KLHL7: variants seen among roughly 807,000 people sequenced by gnomAD.
The protein encoded by KLHL7 is kelch-like protein 7.
In KLHL7, 44 loss-of-function variants were observed where a neutral mutation model predicts 67.4. The ratio of observed to expected loss-of-function variants is 0.65; its 90% CI spans 0.51 to 0.84. KLHL7 has a LOEUF of 0.84. Among genes scored for constraint, KLHL7 ranks in the 40% least tolerant of loss-of-function variants. The pLI is 0.00. For missense variants in KLHL7, 362 were observed against 718.1 expected, an observed-to-expected ratio of 0.50 and a Z score of 5.67; for synonymous variants, 252 against 243.3, an observed-to-expected ratio of 1.04 and a Z score of -0.33.
chr7:23,171,782 T>C (rs1785170517), intron 9 of KLHL7, among the ~76,000 whole-genome samples: 1 of 152,212 alleles, frequency 6.6e-6, no homozygotes, highest in Non-Finnish European at 1.5e-5. Flanking sequence ...TGATCTCAGC[T>C]CACTGCAAGC....
In KLHL7 at chr7:23,105,801, C is replaced by G. The variant is rs755868761; in HGVS notation, c.-226C>G. 49 of 595,734 alleles carry G rather than the reference C, an allele frequency of 8.2e-5. No homozygotes were observed. The highest frequency in any genetic ancestry group is 5.6e-5 in the African/African-American group (3 of 53,670). The allele number at this position is 595,734 out of a possible 1,614,324, so 36.9% of individuals were successfully genotyped here. On this transcript the variant is annotated 5_prime_UTR_variant, in exon 1 of 11. Transcript: ENST00000339077. Reference sequence around the variant, plus strand: ...GCAGGGCTCGGGTTCTGCCCGGGGACGCAGCCCAGTTGGTAGCGTCGCTCC... The same window carrying G: ...GCAGGGCTCGGGTTCTGCCCGGGGAGGCAGCCCAGTTGGTAGCGTCGCTCC...
intron 1 of KLHL7, among the ~76,000 whole-genome samples, chr7:23,115,710 A>G (rs1783059054): frequency 1.3e-5 from 2 of 151,700 alleles, no homozygotes; most frequent in African/African-American, 4.8e-5. Context: ...ACACCCGGCT[A>G]ATTTTTTGTA....
intron 4 of KLHL7, among the ~76,000 whole-genome samples, chr7:23,137,322 A>G (rs1784013349): frequency 1.3e-5 from 2 of 152,104 alleles, no homozygotes; most frequent in African/African-American, 4.8e-5. Context: ...AGAGAAATAA[A>G]ACTAATAGAC....
At chr7:23,153,758 C>T (rs549717926) in intron 7 of KLHL7, among the ~76,000 whole-genome samples, 1 of 152,198 alleles carries the variant, frequency 6.6e-6, no homozygotes, top group African/African-American at 2.4e-5. Flanking sequence ...CTACTGTAGC[C>T]TGTCCCACTT....
intron 6 of KLHL7, among the ~76,000 whole-genome samples, chr7:23,148,907 C>G (rs1453807977): frequency 6.6e-6 from 1 of 152,126 alleles, no homozygotes; most frequent in Non-Finnish European, 1.5e-5. Flanking sequence ...TACTCCTTGA[C>G]TAAGCACAAG....
At chr7:23,166,912 T>A (rs1180650678) in intron 8 of KLHL7, among the ~76,000 whole-genome samples, 1 of 152,146 alleles carries the variant, frequency 6.6e-6, no homozygotes, top group African/African-American at 2.4e-5. Flanking sequence ...GTCCACCCAC[T>A]GAACCTACCA....
intron 1 of KLHL7, among the ~76,000 whole-genome samples, chr7:23,120,949 C>A (rs1489095136): frequency 6.6e-6 from 1 of 152,156 alleles, no homozygotes; most frequent in African/African-American, 2.4e-5. Flanking sequence ...ATTTTATGTC[C>A]TTTAACAAAC....
rs534737488 is a variant in KLHL7 at position 23,175,093 on chromosome 7, G to T, written c.*795G>T. The stretch of plus-strand genomic sequence containing the variant: ...CTAGCAAAAAGTAAAGCTATTTATA[G>T]CAAATTTCTAGATCATTAGAAAAGC... On this transcript the variant is annotated 3_prime_UTR_variant, in exon 11 of 11. Coordinates refer to ENST00000339077, the MANE Select transcript of KLHL7 (RefSeq NM_001031710.3). The T allele has an allele frequency of 2.2e-6, 1 of 454,012 alleles. No individual in the cohort carries two copies. Among genetic ancestry groups the T allele is most frequent in the Non-Finnish European group, 4.4e-6 (1 of 226,750 alleles). 28.1% of individuals were successfully genotyped at this position (454,012 alleles called of 1,614,324 possible). A position where few individuals can be genotyped will look rare whatever the true frequency, so the allele number is the denominator to read the frequency against.
In KLHL7 at chr7:23,165,790, C is replaced by T. The variant is rs1216326687; in HGVS notation, c.1029C>T (p.Gly343=). The change falls in exon 8 of 11, where the codon GGC becomes GGT. Residue 343 remains glycine (G), a synonymous_variant. Transcript: ENST00000339077. ...ACAATGTAGTATACATTTTGGGAGG[C>T]TCTCAGCTTTTCCCAATAAAGCGAA... The part of the protein sequence containing the change: ...FWDNVVYILG[G]SQLFPIKRMD... The T allele has an allele frequency of 6.2e-7, 1 of 1,614,094 alleles. No homozygotes were observed. The highest frequency in any genetic ancestry group is 1.1e-5 in the South Asian group (1 of 91,080).
Position 23,174,410 on chromosome 7 carries a change from A to G in KLHL7, c.*112A>G, listed in dbSNP as rs1342218650. 1.9e-6 allele frequency: 2 copies of G among 1,064,174 alleles called. No individual in the cohort carries two copies. Among genetic ancestry groups the G allele is most frequent in the Non-Finnish European group, 2.9e-6 (2 of 697,298 alleles). 65.9% of individuals were successfully genotyped at this position (1,064,174 alleles called of 1,614,324 possible). On this transcript the variant is annotated 3_prime_UTR_variant, in exon 11 of 11. Transcript: ENST00000339077. ...TTGGTGTTTTGGTAAAGAAAGTTTCAAGTGAAATGAGGTTCCTATAAAATA... is the reference window on the plus strand; with the variant it reads ...TTGGTGTTTTGGTAAAGAAAGTTTCGAGTGAAATGAGGTTCCTATAAAATA...
chr7:23,118,002 AAG>A (rs1159493524), intron 1 of KLHL7: 1 of 1,612,536 alleles, frequency 6.2e-7, no homozygotes, highest in Admixed American at 1.7e-5. Flanking sequence ...GGATATAACA[AAG>A]AATAGAACGT....
rs373590982 is a variant in KLHL7, at chr7:23,174,322, T to C, written c.*24T>C. 4.9e-5 allele frequency: 78 copies of C among 1,596,742 alleles called. No individual in the cohort carries two copies. The African/African-American group carries it at 9.1e-4, about 19-fold the overall frequency. On this transcript the variant is annotated 3_prime_UTR_variant, in exon 11 of 11. Coordinates refer to ENST00000339077, the MANE Select transcript of KLHL7 (RefSeq NM_001031710.3). ...GAAAAATGAGTGGACTTCAGACTCA[T>C]CAGAGACTCTAAAATATAGCCACCA...
Position 23,123,767 on chromosome 7 carries a change from C to G in KLHL7, c.121-10C>G. ...CCTCTTTTTATTTTATGTATTTTTC[C>G]TTTGATTAGAAAACGTTGTGTGACG... On this transcript the variant is annotated splice_polypyrimidine_tract_variant and intron_variant, in intron 1 of 10. Coordinates refer to ENST00000339077, the MANE Select transcript of KLHL7 (RefSeq NM_001031710.3). 1 of 1,595,686 alleles carries G rather than the reference C, an allele frequency of 6.3e-7. No individual in the cohort carries two copies. The highest frequency in any genetic ancestry group is 1.3e-5 in the African/African-American group (1 of 74,688).
chr7:23,127,311 A>G (rs1403574405), intron 4 of KLHL7, among the ~76,000 whole-genome samples: 6 of 152,154 alleles, frequency 3.9e-5, no homozygotes, highest in African/African-American at 9.7e-5. Context: ...ACCATTTAGT[A>G]GTTTTGCCTC....
rs1785284829 is a variant in KLHL7, at chr7:23,175,888, C to T, written c.*1590C>T. On this transcript the variant is annotated 3_prime_UTR_variant, in exon 11 of 11. Coordinates refer to ENST00000339077, the MANE Select transcript of KLHL7 (RefSeq NM_001031710.3). ...AGGCAGGAGGATTGCTTGAACCTGACAGGCAGAGGTTGCAGTGAGCTGAGA... is the reference window on the plus strand; with the variant it reads ...AGGCAGGAGGATTGCTTGAACCTGATAGGCAGAGGTTGCAGTGAGCTGAGA... The T allele has an allele frequency of 7.2e-6, 1 of 138,040 alleles. No homozygotes were observed. The highest frequency in any genetic ancestry group is 2.9e-5 in the African/African-American group (1 of 34,998). 8.6% of individuals were successfully genotyped at this position (138,040 alleles called of 1,614,324 possible).
chr7:23,150,581 A>T (rs1784501258), intron 6 of KLHL7, among the ~76,000 whole-genome samples: 1 of 152,124 alleles, frequency 6.6e-6, no homozygotes, highest in South Asian at 2.1e-4. Context: ...ACATAGCATA[A>T]TTTTTTAACC....
chr7:23,172,826 G>A, intron 9 of KLHL7, 122 bp from the exon 10 acceptor site: 1 of 728,026 alleles, frequency 1.4e-6, no homozygotes. Context: ...GACATTTTGT[G>A]CGTATATGTA....
chr7:23,114,134 G>A (rs185867060), intron 1 of KLHL7, among the ~76,000 whole-genome samples: 2 of 152,232 alleles, frequency 1.3e-5, no homozygotes, highest in African/African-American at 4.8e-5. Flanking sequence ...CTCTGTTGAG[G>A]GCTACCTTGT....
chr7:23,113,868 T>A (rs1450282610), intron 1 of KLHL7, among the ~76,000 whole-genome samples: 1 of 152,230 alleles, frequency 6.6e-6, no homozygotes, highest in Non-Finnish European at 1.5e-5. Flanking sequence ...CTTCCATTTT[T>A]TGGTTGCCAG....
Sources: gnomAD v4.1 joint callset for allele counts (sites outside exome capture counted in the v4.1 genomes callset) on GRCh38, gnomAD v4.1.1 for gene constraint, MANE v1.5 for transcripts, NCBI Gene and HGNC (gene_info 2026-07-23, HGNC 2026-07-21) for gene names.